Variants in GRM8 observed in about 807,000 individuals in gnomAD.
GRM8 encodes the protein glutamate metabotropic receptor 8, also known as metabotropic glutamate receptor 8.
Under a neutral mutation model 87.2 loss-of-function variants are expected in GRM8, and 47 were observed. That is an observed-to-expected ratio of 0.54 (90% CI 0.43 to 0.69). The LOEUF is 0.69. GRM8 is among the 30% of genes least tolerant of loss of function. GRM8 has a pLI of 0.00. For missense variants in GRM8, 1,019 were observed against 1,139.2 expected (o/e 0.89, Z 1.52); for synonymous variants, 396 against 404.5 (o/e 0.98, Z 0.25).
intron 9 of GRM8, among the ~76,000 whole-genome samples, chr7:126,501,250 G>A (rs1457113878): frequency 6.6e-6 from 1 of 152,020 alleles, no homozygotes. Flanking sequence ...GCAAAGGATA[G>A]TCAAAGGAGC....
At chr7:126,790,860 C>T (rs1455024380) in intron 6 of GRM8, among the ~76,000 whole-genome samples, 5 of 152,114 alleles carry the variant, frequency 3.3e-5, no homozygotes. Flanking sequence ...GAATCCAGGG[C>T]TCTGGGTAGG....
chr7:126,726,071 A>T (rs1812934813), intron 7 of GRM8, among the ~76,000 whole-genome samples: 1 of 152,192 alleles, frequency 6.6e-6, no homozygotes, highest in Admixed American at 6.5e-5. Context: ...TTCATTTTGA[A>T]GAAAATGTTA....
intron 6 of GRM8, among the ~76,000 whole-genome samples, chr7:126,896,137 C>T (rs1801519123): frequency 6.7e-6 from 1 of 150,034 alleles, no homozygotes; most frequent in South Asian, 2.1e-4. Flanking sequence ...CACTAGAAAA[C>T]AAGAGATTGA....
chr7:127,037,160 G>A (rs1281235941), intron 3 of GRM8, among the ~76,000 whole-genome samples: 1 of 152,108 alleles, frequency 6.6e-6, no homozygotes, highest in African/African-American at 2.4e-5. Flanking sequence ...ACCAATGTTT[G>A]AATCATAGAT....
rs80247336 is a variant in GRM8, at chr7:127,100,752, G to T, written c.727+5744C>A. Among the ~76,000 whole-genome samples, 60 of 152,224 alleles carry T rather than the reference G, an allele frequency of 3.9e-4. 1 individual carries two copies. The highest frequency in any genetic ancestry group is 1.3e-3 in the African/African-American group (56 of 41,528). Reference sequence around the variant, plus strand: ...AGGGAAACCACTCCCATGATTCAATGATCTCCACCTTGCCCTACACTTGAC... The same window carrying T: ...AGGGAAACCACTCCCATGATTCAATTATCTCCACCTTGCCCTACACTTGAC... On this transcript the variant is annotated intron_variant, in intron 3 of 10. Transcript: ENST00000339582.
At position 126,853,602 on chromosome 7, in the gene GRM8, G is replaced by GAT. The variant is rs570262945; in HGVS notation, c.1156+48939_1156+48940insAT. Among the ~76,000 whole-genome samples the GAT allele has an allele frequency of 1.2e-3, 186 of 152,096 alleles. 1 individual carries two copies. The highest frequency in any genetic ancestry group is 2.1e-3 in the Admixed American group (32 of 15,282). On this transcript the variant is annotated intron_variant, in intron 6 of 10. Transcript: ENST00000339582. ...TGACACAGGATTATGTATACATATA[G>GAT]ACTTAAATTCGATATCATTGCACCT...
chr7:126,900,050 T>C (rs1231220780), intron 6 of GRM8, among the ~76,000 whole-genome samples: 5 of 152,148 alleles, frequency 3.3e-5, no homozygotes, highest in Admixed American at 2.0e-4. Flanking sequence ...CTTTCCTGGT[T>C]CCTGCCCTTG....
intron 7 of GRM8, among the ~76,000 whole-genome samples, chr7:126,740,015 A>G (rs952289533): frequency 7.2e-5 from 11 of 152,088 alleles, no homozygotes; most frequent in Non-Finnish European, 1.3e-4. Context: ...TCACCTAAGA[A>G]CACATTTCTC....
intron 7 of GRM8, among the ~76,000 whole-genome samples, chr7:126,731,036 A>G (rs1813526655): frequency 6.6e-6 from 1 of 152,188 alleles, no homozygotes; most frequent in East Asian, 1.9e-4. Context: ...TTAATTTGGA[A>G]TACAATTATA....
At chr7:126,767,739 C>T (rs917253334) in intron 7 of GRM8, among the ~76,000 whole-genome samples, 2 of 151,950 alleles carry the variant, frequency 1.3e-5, no homozygotes, top group African/African-American at 4.8e-5. Context: ...TGATGAATAT[C>T]CTGGAAATCA....
At chr7:126,517,052 C>T (rs116790141) in intron 9 of GRM8, among the ~76,000 whole-genome samples, 46 of 152,092 alleles carry the variant, frequency 3.0e-4, no homozygotes, top group African/African-American at 1.0e-3. Flanking sequence ...AAATACAAAA[C>T]AATTTAGTAA....
chr7:127,183,634 A>G (rs1275447872), intron 2 of GRM8, among the ~76,000 whole-genome samples: 2 of 151,846 alleles, frequency 1.3e-5, no homozygotes, highest in Non-Finnish European at 2.9e-5. Context: ...AAAACTAGAG[A>G]AAAAGAACAA....
chr7:126,562,313 T>C lies in GRM8; in HGVS notation c.1495-28426A>G, dbSNP rs557839014. On this transcript the variant is annotated intron_variant, in intron 8 of 10. Transcript: ENST00000339582. The stretch of plus-strand genomic sequence containing the variant: ...CATCAAAGGCATCACCAAAACCTTG[T>C]AATTTTCTGTGATAATAGGAATGTG... 1.2e-4 allele frequency among the ~76,000 whole-genome samples: 19 copies of C among 152,318 alleles called. No homozygotes were observed. The South Asian group carries it at 3.7e-3, about 30-fold the overall frequency.
intron 7 of GRM8, among the ~76,000 whole-genome samples, chr7:126,755,186 T>C (rs760736654): frequency 1.3e-5 from 2 of 152,010 alleles, no homozygotes; most frequent in Non-Finnish European, 2.9e-5. Context: ...ACATAGACTG[T>C]TTAAGATGAA....
chr7:127,001,472 G>GAC lies in GRM8; in HGVS notation c.728-96791_728-96790dup, dbSNP rs778091450. On this transcript the variant is annotated intron_variant, in intron 3 of 10. Transcript: ENST00000339582. ...AAAAAACTGTCAAAAGATTTGAACA[G>GAC]ACACTTCATAAAAATACAAAGGCCA... Among the ~76,000 whole-genome samples, 13 of 151,580 alleles carry GAC rather than the reference G, an allele frequency of 8.6e-5. No homozygotes were observed. In the South Asian group the frequency reaches 1.2e-3, roughly 14 times the overall value.
chr7:126,720,252 C>T (rs1812239749), intron 7 of GRM8, among the ~76,000 whole-genome samples: 1 of 151,914 alleles, frequency 6.6e-6, no homozygotes, highest in Admixed American at 6.6e-5. Context: ...AGTAATCCTC[C>T]TTCTTCGGCC....
At chr7:126,741,855 C>G (rs1215491849) in intron 7 of GRM8, among the ~76,000 whole-genome samples, 1 of 152,060 alleles carries the variant, frequency 6.6e-6, no homozygotes, top group Non-Finnish European at 1.5e-5. Context: ...TTTTAAAAGA[C>G]TAAGTTCCTT....
intron 2 of GRM8, among the ~76,000 whole-genome samples, chr7:127,116,759 G>A (rs923565330): frequency 3.3e-5 from 5 of 152,210 alleles, no homozygotes; most frequent in African/African-American, 1.2e-4. Flanking sequence ...GAAATGAAGA[G>A]GACAGGCAGT....
At chr7:126,769,803 T>C (rs1326971799) in intron 7 of GRM8, 62 bp downstream of exon 7, 2 of 1,055,060 alleles carry the variant, frequency 1.9e-6, no homozygotes, top group South Asian at 1.3e-5. Flanking sequence ...CTTCTATATA[T>C]AGGAGGAAAA....
Sources: allele counts gnomAD v4.1 joint callset (sites outside exome capture counted in the v4.1 genomes callset), GRCh38; gene constraint gnomAD v4.1.1; transcripts MANE v1.5; gene names NCBI Gene and HGNC (gene_info 2026-07-23, HGNC 2026-07-21).